RAP1GAP2: variants seen among roughly 807,000 people sequenced by gnomAD.
The protein encoded by RAP1GAP2 is rap1 GTPase-activating protein 2.
RAP1GAP2 carries 27 observed loss-of-function variants against 95.0 expected under a neutral mutation model. That is an observed-to-expected ratio of 0.28 (90% CI 0.21 to 0.39). The LOEUF is 0.39. Among genes scored for constraint, RAP1GAP2 ranks in the 10% least tolerant of loss-of-function variants. The probability of loss-of-function intolerance (pLI) is 1.00; values close to 1 mark genes in which losing one functional copy is unlikely to be tolerated. For synonymous variants in RAP1GAP2, 373 were observed against 380.9 expected (o/e 0.98, Z 0.24); for missense variants, 771 against 970.0 (o/e 0.79, Z 2.72).
rs2047394005 is a variant in RAP1GAP2, at chr17:3,033,558, C to T, written c.*197C>T. On this transcript the variant is annotated 3_prime_UTR_variant, in exon 25 of 25. Transcript: ENST00000254695. This position sits in a 1 kb window ranked among gnomAD's most constrained non-coding sequence, Gnocchi z 4.9. The stretch of plus-strand genomic sequence containing the variant: ...ACAGCCCTGCCTCCGCCCTCACCTA[C>T]ATGCCCTCCCAGCCCCTCCCATCTC... 1 of 153,312 alleles carries T rather than the reference C, an allele frequency of 6.5e-6. No individual in the cohort carries two copies. Among genetic ancestry groups the T allele is most frequent in the South Asian group, 2.1e-4 (1 of 4,866 alleles). The allele number at this position is 153,312 out of a possible 1,614,324, so 9.5% of individuals were successfully genotyped here.
rs1170745754 is a variant in RAP1GAP2, at chr17:2,965,632, G to T, written c.585G>T (p.Arg195=). 6.2e-7 allele frequency: 1 copy of T among 1,607,824 alleles called. No homozygotes were observed. The change falls in exon 8 of 25, where the codon CGG becomes CGT. Residue 195 remains arginine (R), a synonymous_variant. Transcript: ENST00000254695. This position sits in a 1 kb window ranked among gnomAD's most constrained non-coding sequence, Gnocchi z 4.7. Reference sequence around the variant, plus strand: ...AAGCAGAGGGGATCGAGTACCTCCGGGTCATCCTTAGGTAGGGCTGTTGCG... The same window carrying T: ...AAGCAGAGGGGATCGAGTACCTCCGTGTCATCCTTAGGTAGGGCTGTTGCG... ...CEEAEGIEYL[R]VILRSKLKTV... is the part of the protein sequence containing the mutation.
At chr17:2,994,675 G>A (rs1021861822) in intron 12 of RAP1GAP2, among the ~76,000 whole-genome samples, 1 of 152,224 alleles carries the variant, frequency 6.6e-6, no homozygotes, top group East Asian at 1.9e-4. Context: ...AAGAAAGGCC[G>A]GCGCCCCACC....
Position 3,008,176 on chromosome 17 carries a change from G to A in RAP1GAP2, c.1494+31G>A. 1 of 1,612,926 alleles carries A rather than the reference G, an allele frequency of 6.2e-7. No individual in the cohort carries two copies. The highest frequency in any genetic ancestry group is 8.5e-7 in the Non-Finnish European group (1 of 1,179,140). ...AGCGTCAGAGTGACTGATGGTTGCT[G>A]TGGGGTTGGGATTGGGGAAGAAAGG... On this transcript the variant is annotated intron_variant, in intron 17 of 24. Transcript: ENST00000254695. The surrounding 1 kb of genome is among the most constrained non-coding windows in gnomAD (Gnocchi z 4.2).
chr17:2,940,193 C>T (rs2043443300), intron 3 of RAP1GAP2, among the ~76,000 whole-genome samples: 1 of 152,128 alleles, frequency 6.6e-6, no homozygotes, highest in Admixed American at 6.5e-5. Flanking sequence ...GGCTGTTTGC[C>T]TGCCACGGGT....
intron 3 of RAP1GAP2, among the ~76,000 whole-genome samples, chr17:2,926,017 G>A (rs1282761362): frequency 1.3e-5 from 2 of 151,368 alleles, no homozygotes; most frequent in Admixed American, 1.3e-4. Flanking sequence ...GTGGGTGTCT[G>A]TAATCCCAGC....
intron 16 of RAP1GAP2, 68 bp from the exon 17 acceptor site, chr17:3,007,943 C>A: frequency 6.4e-7 from 1 of 1,554,470 alleles, no homozygotes; most frequent in Non-Finnish European, 8.8e-7. Context: ...GTGTCTGGAG[C>A]TCACAAGGAG....
chr17:2,957,002 C>A (rs564620818), intron 3 of RAP1GAP2, among the ~76,000 whole-genome samples: 2 of 152,162 alleles, frequency 1.3e-5, no homozygotes, highest in African/African-American at 4.8e-5. Flanking sequence ...ATGGCGGGCG[C>A]CTGTAGTTCC....
chr17:2,893,798 G>A (rs1170963516), intron 2 of RAP1GAP2, among the ~76,000 whole-genome samples: 1 of 152,254 alleles, frequency 6.6e-6, no homozygotes, highest in Non-Finnish European at 1.5e-5. Context: ...CTGAGTGACG[G>A]AGTGCGTTTG....
At chr17:2,835,439 T>C (rs943119138) in intron 2 of RAP1GAP2, among the ~76,000 whole-genome samples, 4 of 152,210 alleles carry the variant, frequency 2.6e-5, no homozygotes, top group Admixed American at 2.0e-4. Context: ...CAGGATGGTC[T>C]CGAACTCCTG....
At position 3,036,748 on chromosome 17, in the gene RAP1GAP2, A is replaced by G. The variant is rs2047475690; in HGVS notation, c.*3387A>G. On this transcript the variant is annotated 3_prime_UTR_variant, in exon 25 of 25. Transcript: ENST00000254695. ...AAAAGTGGTCAAAGAAAAACTCTTC[A>G]TTTCTCCCTGATTCTTAAACGAAGG... The G allele has an allele frequency of 6.6e-6, 1 of 152,486 alleles. No individual in the cohort carries two copies. The highest frequency in any genetic ancestry group is 2.4e-5 in the African/African-American group (1 of 41,390). 9.4% of individuals were successfully genotyped at this position (152,486 alleles called of 1,614,324 possible). A position where few individuals can be genotyped will look rare whatever the true frequency, so the allele number is the denominator to read the frequency against.
intron 8 of RAP1GAP2, among the ~76,000 whole-genome samples, chr17:2,975,164 A>G (rs1030226349): frequency 6.6e-6 from 1 of 152,214 alleles, no homozygotes; most frequent in African/African-American, 2.4e-5. Flanking sequence ...TGGGAGGCAG[A>G]GGTTGCAGTG....
intron 2 of RAP1GAP2, among the ~76,000 whole-genome samples, chr17:2,833,656 C>G (rs566424134): frequency 3.1e-4 from 45 of 144,098 alleles, no homozygotes; most frequent in African/African-American, 1.1e-3. Flanking sequence ...CGCCACTGCA[C>G]TCCAACCTGG....
intron 2 of RAP1GAP2, among the ~76,000 whole-genome samples, chr17:2,836,697 T>C (rs546363122): frequency 1.3e-5 from 2 of 152,062 alleles, no homozygotes; most frequent in African/African-American, 4.8e-5. Flanking sequence ...TAGATCCAGG[T>C]GGGTGAGACA....
At chr17:2,872,113 C>T (rs982588971) in intron 2 of RAP1GAP2, among the ~76,000 whole-genome samples, 1 of 147,280 alleles carries the variant, frequency 6.8e-6, no homozygotes, top group African/African-American at 2.5e-5. Flanking sequence ...ACTCGGGAGG[C>T]TGAGGCAGGA....
chr17:2,850,692 G>C (rs868161366), intron 2 of RAP1GAP2, among the ~76,000 whole-genome samples: 7 of 147,442 alleles, frequency 4.7e-5, no homozygotes, highest in Non-Finnish European at 5.9e-5. Context: ...GGAAGTTGCA[G>C]TGAGCCAAGA....
chr17:2,944,482 C>T (rs2043634217), intron 3 of RAP1GAP2, among the ~76,000 whole-genome samples: 1 of 151,868 alleles, frequency 6.6e-6, no homozygotes, highest in African/African-American at 2.4e-5. Flanking sequence ...CTTAATTCTA[C>T]TCTGTCGGTT....
intron 2 of RAP1GAP2, among the ~76,000 whole-genome samples, chr17:2,811,609 G>T (rs1007697702): frequency 1.3e-5 from 2 of 152,082 alleles, no homozygotes; most frequent in Non-Finnish European, 1.5e-5. Flanking sequence ...ACGGAGTCTC[G>T]CTCTGTCACC....
At chr17:2,923,591 C>T (rs2042862884) in intron 3 of RAP1GAP2, among the ~76,000 whole-genome samples, 3 of 152,154 alleles carry the variant, frequency 2.0e-5, no homozygotes, top group Non-Finnish European at 4.4e-5. Flanking sequence ...GCCTCAGCCT[C>T]CCAAAGTGCT....
intron 8 of RAP1GAP2, among the ~76,000 whole-genome samples, chr17:2,974,677 T>C (rs530680614): frequency 5.9e-5 from 9 of 151,390 alleles, no homozygotes; most frequent in Admixed American, 1.3e-4. Context: ...AAGGAAAAAA[T>C]GTTCAGTGGA....
Sources: gnomAD v4.1 joint callset for allele counts (sites outside exome capture counted in the v4.1 genomes callset) on GRCh38, gnomAD v4.1.1 for gene constraint, Gnocchi (gnomAD v3.1) non-coding constraint, MANE v1.5 for transcripts, NCBI Gene and HGNC (gene_info 2026-07-23, HGNC 2026-07-21) for gene names.